Variants in TRA2B observed in about 807,000 individuals in gnomAD.
The protein encoded by TRA2B is transformer 2 beta homolog, also known as transformer-2 protein homolog beta.
Under a neutral mutation model 41.7 loss-of-function variants are expected in TRA2B, and 14 were observed. The observed-to-expected ratio is 0.34, with a 90% confidence interval of 0.22 to 0.53. The LOEUF is 0.53. Among genes scored for constraint, TRA2B ranks in the 20% least tolerant of loss-of-function variants. The pLI is 0.95. For missense variants in TRA2B, 167 were observed against 396.8 expected (o/e 0.42, Z 4.92); for synonymous variants, 130 against 128.8 (o/e 1.01, Z -0.06).
At chr3:185,936,372 A>C (rs1744355912) in intron 1 of TRA2B, 1 of 985,260 alleles carries the variant, frequency 1.0e-6, no homozygotes, top group Non-Finnish European at 1.2e-6. Flanking sequence ...AAAAATCTAA[A>C]ACACTCGTGA....
chr3:185,921,079 T>C (rs777006281), intron 6 of TRA2B, 25 bp downstream of exon 6: 8 of 1,603,660 alleles, frequency 5.0e-6, no homozygotes, highest in South Asian at 1.1e-5. Flanking sequence ...GATTCAGACG[T>C]TGACCTTTCT....
At chr3:185,927,665 G>T (rs1387867937) in intron 1 of TRA2B, 1 of 152,184 alleles carries the variant, frequency 6.6e-6, no homozygotes, top group Non-Finnish European at 1.5e-5. Flanking sequence ...AACTGGGATT[G>T]GCTGGCAGGT....
chr3:185,917,889 A>G (rs1439646537), intron 8 of TRA2B, among the ~76,000 whole-genome samples, 164 bp from the exon 9 acceptor site: 1 of 152,164 alleles, frequency 6.6e-6, no homozygotes, highest in Non-Finnish European at 1.5e-5. Context: ...TTACACCAGA[A>G]ATGAGATAGC....
intron 1 of TRA2B, chr3:185,931,748 C>A: frequency 6.8e-7 from 1 of 1,471,224 alleles, no homozygotes. Flanking sequence ...TGCATTCTTT[C>A]TTTTATTTTT....
chr3:185,933,470 A>G (rs1261768890), intron 1 of TRA2B, among the ~76,000 whole-genome samples: 2 of 152,194 alleles, frequency 1.3e-5, no homozygotes, highest in East Asian at 3.8e-4. Flanking sequence ...TCCTATCAAC[A>G]CAATTTTTGT....
intron 3 of TRA2B, 82 bp from the exon 4 acceptor site, chr3:185,924,066 A>C: frequency 8.2e-7 from 1 of 1,225,802 alleles, no homozygotes; most frequent in Admixed American, 2.6e-5. Context: ...TATACTAGCC[A>C]AAATGTCACT....
intron 1 of TRA2B, chr3:185,931,602 A>G: frequency 7.8e-7 from 1 of 1,279,432 alleles, no homozygotes; most frequent in Non-Finnish European, 9.9e-7. Flanking sequence ...CTGATTCCAG[A>G]TTACTTCTTA....
intron 1 of TRA2B, among the ~76,000 whole-genome samples, chr3:185,930,630 C>T (rs1744114585): frequency 6.6e-6 from 1 of 152,152 alleles, no homozygotes. Flanking sequence ...GTGTACTTGT[C>T]TCATTCAACT....
rs1266354334 is a variant in TRA2B at position 185,936,962 on chromosome 3, GTTCTAAGTATTA to G, written c.36+851_36+862del. 3.0e-6 allele frequency: 3 copies of G among 985,206 alleles called. No individual in the cohort carries two copies. In the African/African-American group the frequency reaches 5.2e-5, roughly 17 times the overall value. 61.0% of individuals were successfully genotyped at this position (985,206 alleles called of 1,614,324 possible). A position where few individuals can be genotyped will look rare whatever the true frequency, so the allele number is the denominator to read the frequency against. ...AAAACTGTAGCCAACACACGCTGTG[GTTCTAAGTATTA>G]GAACGCCTCAAAACAAAGGAAATAA... is the stretch of plus-strand genomic sequence containing the variant. On this transcript the variant is annotated intron_variant, in intron 1 of 8. Coordinates refer to ENST00000453386, the MANE Select transcript of TRA2B (RefSeq NM_004593.3).
At chr3:185,919,541 T>C (rs375691048) in intron 6 of TRA2B, 45 bp from the exon 7 acceptor site, 394 of 1,514,754 alleles carry the variant, frequency 2.6e-4, no homozygotes, top group Non-Finnish European at 3.4e-4. Context: ...AGTTTGTAAG[T>C]TTTAAAAAAT....
At chr3:185,934,562 T>C (rs1744275479) in intron 1 of TRA2B, 1 of 985,308 alleles carries the variant, frequency 1.0e-6, no homozygotes. Flanking sequence ...CTGATAAACC[T>C]AACCAGACTC....
intron 1 of TRA2B, among the ~76,000 whole-genome samples, chr3:185,932,247 G>A (rs1395353539): frequency 6.6e-6 from 1 of 152,186 alleles, no homozygotes; most frequent in Non-Finnish European, 1.5e-5. Context: ...TGAAAGGAAA[G>A]CACGGACAAT....
rs890865198 is a variant in TRA2B at position 185,931,562 on chromosome 3, C to G, written c.37-4828G>C. 4 of 1,201,752 alleles carry G rather than the reference C, an allele frequency of 3.3e-6. No homozygotes were observed. In the Admixed American group the frequency reaches 1.8e-4, roughly 54 times the overall value. The allele number at this position is 1,201,752 out of a possible 1,614,324, so 74.4% of individuals were successfully genotyped here. Reference sequence around the variant, plus strand: ...AGCAAAATATACAGGGACACATAAACAGACTAGTAATTACTTAGCGTAGTG... The same window carrying G: ...AGCAAAATATACAGGGACACATAAAGAGACTAGTAATTACTTAGCGTAGTG... On this transcript the variant is annotated intron_variant, in intron 1 of 8. Transcript: ENST00000453386.
chr3:185,935,507 TAC>T (rs1010564196), intron 1 of TRA2B: 12 of 985,262 alleles, frequency 1.2e-5, no homozygotes, highest in Admixed American at 6.2e-5. Context: ...AACAAACTCC[TAC>T]AGTCACTGGA....
At chr3:185,931,077 T>C (rs549965436) in intron 1 of TRA2B, among the ~76,000 whole-genome samples, 2 of 152,338 alleles carry the variant, frequency 1.3e-5, no homozygotes, top group African/African-American at 2.4e-5. Context: ...ACTAACACAC[T>C]AATGCCAAAG....
At chr3:185,919,559 T>C in intron 6 of TRA2B, 63 bp from the exon 7 acceptor site, 1 of 1,393,852 alleles carries the variant, frequency 7.2e-7, no homozygotes, top group African/African-American at 1.4e-5. Flanking sequence ...AATTATGTCA[T>C]TCATTTAGTA....
intron 1 of TRA2B, chr3:185,935,315 G>A: frequency 2.0e-6 from 2 of 985,184 alleles, no homozygotes; most frequent in Non-Finnish European, 2.4e-6. Flanking sequence ...CCTATAGACA[G>A]ATTTTAGTGT....
chr3:185,915,552 C>T lies in TRA2B; in HGVS notation c.*2163G>A, dbSNP rs138202548. Among the ~76,000 whole-genome samples the T allele has an allele frequency of 1.2e-3, 176 of 152,310 alleles. No individual in the cohort carries two copies. Among genetic ancestry groups the T allele is most frequent in the Admixed American group, 2.0e-3 (30 of 15,302 alleles). On this transcript the variant is annotated 3_prime_UTR_variant, in exon 9 of 9. Transcript: ENST00000453386. Reference sequence around the variant, plus strand: ...AAAAGACTACCACTTTGTCTCACTACTTCTCAGTCTATCTCAACTTGGTAA... The same window carrying T: ...AAAAGACTACCACTTTGTCTCACTATTTCTCAGTCTATCTCAACTTGGTAA...
intron 7 of TRA2B, 24 bp from the exon 8 acceptor site, chr3:185,918,462 C>CT: frequency 6.4e-7 from 1 of 1,562,086 alleles, no homozygotes; most frequent in South Asian, 1.1e-5. Context: ...TCAAGATTGT[C>CT]TAAGTCTCAA....
Sources: allele counts gnomAD v4.1 joint callset (sites outside exome capture counted in the v4.1 genomes callset), GRCh38; gene constraint gnomAD v4.1.1; transcripts MANE v1.5; gene names NCBI Gene and HGNC (gene_info 2026-07-23, HGNC 2026-07-21).